Variants in PTPRK observed in about 807,000 individuals in gnomAD.
PTPRK encodes the protein protein tyrosine phosphatase receptor type K, also known as receptor-type tyrosine-protein phosphatase kappa.
A neutral mutation model predicts 178.0 loss-of-function variants in PTPRK; 75 were observed. The observed-to-expected ratio is 0.42, with a 90% CI of 0.35 to 0.51. The LOEUF is 0.51. Ranked by LOEUF, PTPRK falls within the 20% of genes least tolerant of loss-of-function variation. PTPRK has a pLI of 0.02. For synonymous variants in PTPRK, 637 were observed against 620.6 expected, an observed-to-expected ratio of 1.03 and a Z score of -0.39; for missense variants, 1,441 against 1,797.8, an observed-to-expected ratio of 0.80 and a Z score of 3.59.
chr6:128,147,710 C>T (rs1441520549), intron 7 of PTPRK, among the ~76,000 whole-genome samples: 2 of 152,064 alleles, frequency 1.3e-5, no homozygotes, highest in African/African-American at 4.8e-5. Context: ...TGAGGATACC[C>T]TGGCTCAACA....
At chr6:128,101,050 A>G (rs2114263891) in intron 7 of PTPRK, among the ~76,000 whole-genome samples, 1 of 152,148 alleles carries the variant, frequency 6.6e-6, no homozygotes, top group African/African-American at 2.4e-5. Flanking sequence ...GTTTCCATAA[A>G]TATGTCCTGG....
intron 3 of PTPRK, among the ~76,000 whole-genome samples, chr6:128,318,497 G>A (rs1421069583): frequency 6.6e-6 from 1 of 151,964 alleles, no homozygotes; most frequent in East Asian, 1.9e-4. Flanking sequence ...CCATGTATTG[G>A]GGGAGAAAAA....
intron 2 of PTPRK, among the ~76,000 whole-genome samples, chr6:128,357,386 C>A (rs1834102107): frequency 1.3e-5 from 2 of 152,158 alleles, no homozygotes; most frequent in Non-Finnish European, 2.9e-5. Context: ...AGATCACAGA[C>A]CTCTGATTAC....
chr6:128,489,326 A>G (rs1853429252), intron 1 of PTPRK, among the ~76,000 whole-genome samples: 1 of 152,208 alleles, frequency 6.6e-6, no homozygotes, highest in Admixed American at 6.5e-5. Context: ...ATTGTTCCAA[A>G]GGCAGTTTAT....
At chr6:128,405,280 T>C (rs993046966) in intron 1 of PTPRK, among the ~76,000 whole-genome samples, 14 of 152,200 alleles carry the variant, frequency 9.2e-5, no homozygotes, top group Non-Finnish European at 1.8e-4. Flanking sequence ...CCCTAAAGCA[T>C]GTATAAACCA....
chr6:128,226,850 G>A (rs1224307355), intron 5 of PTPRK, among the ~76,000 whole-genome samples: 2 of 145,886 alleles, frequency 1.4e-5, no homozygotes, highest in Non-Finnish European at 3.0e-5. Context: ...CTTTCTTGAG[G>A]CCAGAGGGAC....
At chr6:128,334,140 G>A (rs1380386069) in intron 2 of PTPRK, among the ~76,000 whole-genome samples, 1 of 152,030 alleles carries the variant, frequency 6.6e-6, no homozygotes, top group Non-Finnish European at 1.5e-5. Context: ...TAACATCAAA[G>A]ATCACTGATC....
At chr6:128,076,366 GCAGGGCTCATCTGAAGC>G (rs1363781859) in intron 11 of PTPRK, among the ~76,000 whole-genome samples, 1 of 151,956 alleles carries the variant, frequency 6.6e-6, no homozygotes, top group Non-Finnish European at 1.5e-5. Flanking sequence ...GGTAAAGGAG[GCAGGGCTCATCTGAAGC>G]CAGATTACTT....
chr6:128,017,819 T>TATATAC, intron 13 of PTPRK, among the ~76,000 whole-genome samples: 1 of 139,608 alleles, frequency 7.2e-6, no homozygotes, highest in Admixed American at 7.4e-5. Context: ...TATATATATA[T>TATATAC]ATATATATAT....
intron 7 of PTPRK, among the ~76,000 whole-genome samples, chr6:128,169,333 A>G (rs1210194748): frequency 6.6e-6 from 1 of 152,068 alleles, no homozygotes; most frequent in Non-Finnish European, 1.5e-5. Flanking sequence ...CATATACAAT[A>G]AAAAATAAAC....
At chr6:128,152,673 G>T (rs1797436318) in intron 7 of PTPRK, among the ~76,000 whole-genome samples, 1 of 151,862 alleles carries the variant, frequency 6.6e-6, no homozygotes, top group African/African-American at 2.4e-5. Context: ...ACAAGGAAAT[G>T]GGTTATCCAT....
At chr6:128,397,048 A>G (rs1187028059) in intron 2 of PTPRK, among the ~76,000 whole-genome samples, 2 of 152,054 alleles carry the variant, frequency 1.3e-5, no homozygotes, top group Non-Finnish European at 2.9e-5. Flanking sequence ...TTTCTCTATA[A>G]TTCCCACATA....
At chr6:128,300,828 T>C (rs1212095240) in intron 3 of PTPRK, among the ~76,000 whole-genome samples, 8 of 152,068 alleles carry the variant, frequency 5.3e-5, no homozygotes, top group Non-Finnish European at 1.0e-4. Flanking sequence ...ACCTGCACAT[T>C]GTGCACATGT....
chr6:127,986,745 T>C (rs1286142427), intron 21 of PTPRK, among the ~76,000 whole-genome samples: 2 of 152,146 alleles, frequency 1.3e-5, no homozygotes, highest in African/African-American at 4.8e-5. Flanking sequence ...GAACTATCAA[T>C]CTCACTTGTT....
At chr6:128,382,293 A>C (rs1343833909) in intron 2 of PTPRK, among the ~76,000 whole-genome samples, 1 of 152,046 alleles carries the variant, frequency 6.6e-6, no homozygotes, top group Non-Finnish European at 1.5e-5. Flanking sequence ...ATTGAGCACA[A>C]AGAACTATGA....
At chr6:128,360,250 C>T (rs1031532929) in intron 2 of PTPRK, among the ~76,000 whole-genome samples, 2 of 152,108 alleles carry the variant, frequency 1.3e-5, no homozygotes, top group Admixed American at 1.3e-4. Flanking sequence ...GGGACCTGGT[C>T]GCTTTAAGTG....
At chr6:128,356,635 GT>G (rs1834001288) in intron 2 of PTPRK, among the ~76,000 whole-genome samples, 1 of 152,012 alleles carries the variant, frequency 6.6e-6, no homozygotes, top group African/African-American at 2.4e-5. Flanking sequence ...CATCCTTCAA[GT>G]AATGGCTTTC....
chr6:128,318,791 T>C (rs1828387174), intron 3 of PTPRK, among the ~76,000 whole-genome samples: 1 of 152,322 alleles, frequency 6.6e-6, no homozygotes, highest in Middle Eastern at 3.4e-3. Flanking sequence ...TTTAGAGGTA[T>C]GCTGATCTTC....
Position 128,105,135 on chromosome 6 carries a change from T to C in PTPRK, c.1163-15143A>G, listed in dbSNP as rs185267843. On this transcript the variant is annotated intron_variant, in intron 7 of 29. Transcript: ENST00000368226. ...ACGTATTACCTCACTTATTTCTTTT[T>C]TTTTTTTTTTTCTTTTGAGACGGAG... 3.3e-3 allele frequency among the ~76,000 whole-genome samples: 498 copies of C among 151,910 alleles called. 2 individuals carry two copies. Among genetic ancestry groups the C allele is most frequent in the African/African-American group, 0.011 (477 of 41,492 alleles).
Sources: allele counts gnomAD v4.1 joint callset (sites outside exome capture counted in the v4.1 genomes callset), GRCh38; gene constraint gnomAD v4.1.1; transcripts MANE v1.5; gene names NCBI Gene and HGNC (gene_info 2026-07-23, HGNC 2026-07-21).